DRC9: variants seen among roughly 807,000 people sequenced by gnomAD.
DRC9 encodes the protein dynein regulatory complex protein 9.
At chr3:197,932,266 C>T in the DRC9 span, 1 of 1,612,490 alleles carries the variant, frequency 6.2e-7, no homozygotes, top group African/African-American at 1.3e-5. Flanking sequence ...CTTGCAACTC[C>T]TTAATGGTAT....
the DRC9 span, among the ~76,000 whole-genome samples, chr3:197,925,594 T>G: frequency 5.3e-5 from 8 of 150,758 alleles, no homozygotes; most frequent in East Asian, 1.9e-4. Flanking sequence ...TCTGTTTTTT[T>G]TTTTTTTTTT....
At chr3:197,937,460 T>C in the DRC9 span, among the ~76,000 whole-genome samples, 3 of 151,968 alleles carry the variant, frequency 2.0e-5, no homozygotes, top group Non-Finnish European at 1.5e-5. Flanking sequence ...CACGGTCTTT[T>C]TCTTTTCTCT....
At chr3:197,892,691 T>G in the DRC9 span, 11 of 1,614,068 alleles carry the variant, frequency 6.8e-6, no homozygotes, top group Non-Finnish European at 9.3e-6. Context: ...GAGCATTTAG[T>G]TCATTCTGTT....
At chr3:197,947,674 G>A in the DRC9 span, among the ~76,000 whole-genome samples, 169 of 152,314 alleles carry the variant, frequency 1.1e-3, no homozygotes, top group African/African-American at 3.9e-3. Context: ...TCTGTGCTCT[G>A]AGAGATGGAC....
At chr3:197,926,121 A>G in the DRC9 span, 2 of 1,409,014 alleles carry the variant, frequency 1.4e-6, no homozygotes, top group African/African-American at 2.8e-5. Flanking sequence ...AGATATAAGA[A>G]TGATTTGTGT....
At chr3:197,959,155 C>G in the DRC9 span, 3 of 151,952 alleles carry the variant, frequency 2.0e-5, no homozygotes, top group Non-Finnish European at 4.4e-5. Flanking sequence ...TGCATTGAGC[C>G]GAGATTGTGT....
At chr3:197,912,549 A>G in the DRC9 span, 1 of 721,830 alleles carries the variant, frequency 1.4e-6, no homozygotes, top group Middle Eastern at 2.5e-4. Flanking sequence ...GAAAGAAAAC[A>G]TGAGCTAAAG....
chr3:197,948,079 CACACCA>C, the DRC9 span, among the ~76,000 whole-genome samples: 1 of 151,514 alleles, frequency 6.6e-6, no homozygotes, highest in Non-Finnish European at 1.5e-5. Flanking sequence ...ATGACAGGCA[CACACCA>C]ACACCCCTGG....
At chr3:197,952,653 C>T in the DRC9 span, 2 of 152,130 alleles carry the variant, frequency 1.3e-5, no homozygotes, top group Non-Finnish European at 2.9e-5. Context: ...TGCCACCACA[C>T]CCAGCTAATT....
At chr3:197,951,862 T>C in the DRC9 span, among the ~76,000 whole-genome samples, 1 of 152,040 alleles carries the variant, frequency 6.6e-6, no homozygotes, top group Non-Finnish European at 1.5e-5. Context: ...CACGCCCGGC[T>C]AATTTTTGTA....
the DRC9 span, among the ~76,000 whole-genome samples, chr3:197,907,026 T>C: frequency 6.6e-6 from 1 of 152,176 alleles, no homozygotes; most frequent in African/African-American, 2.4e-5. Context: ...TCGTGGTAAA[T>C]GTGCCCACCT....
the DRC9 span, among the ~76,000 whole-genome samples, chr3:197,892,918 T>C: frequency 2.6e-5 from 4 of 152,096 alleles, no homozygotes; most frequent in African/African-American, 9.7e-5. Flanking sequence ...GGATTTCTGA[T>C]TGGGAATGGG....
the DRC9 span, chr3:197,914,165 T>G: frequency 3.8e-6 from 3 of 796,488 alleles, no homozygotes; most frequent in Admixed American, 2.1e-5. Flanking sequence ...ATTTTTCCGC[T>G]GTCACACAAT....
At chr3:197,911,175 C>T in the DRC9 span, among the ~76,000 whole-genome samples, 2 of 151,524 alleles carry the variant, frequency 1.3e-5, no homozygotes, top group Admixed American at 6.6e-5. Context: ...TGTTAATAAG[C>T]AAAAATAAAA....
the DRC9 span, chr3:197,906,441 T>C: frequency 6.6e-6 from 1 of 152,098 alleles, no homozygotes; most frequent in Non-Finnish European, 1.5e-5. Context: ...GTTTTTCTTT[T>C]TTTTTTTTCC....
chr3:197,917,281 C>T, the DRC9 span, among the ~76,000 whole-genome samples: 3 of 152,188 alleles, frequency 2.0e-5, no homozygotes, highest in African/African-American at 7.2e-5. Flanking sequence ...CATGCCATTG[C>T]ACTTTAGCCT....
At chr3:197,935,679 C>T in the DRC9 span, among the ~76,000 whole-genome samples, 6 of 151,866 alleles carry the variant, frequency 4.0e-5, no homozygotes, top group East Asian at 2.0e-4. Context: ...GATGAGGTCT[C>T]GCTATGTTGC....
the DRC9 span, among the ~76,000 whole-genome samples, chr3:197,914,715 A>G: frequency 6.6e-6 from 1 of 152,172 alleles, no homozygotes; most frequent in Non-Finnish European, 1.5e-5. Flanking sequence ...TAAACTTCCA[A>G]AAATTGTGCA....
At chr3:197,929,022 C>T in the DRC9 span, among the ~76,000 whole-genome samples, 1 of 152,138 alleles carries the variant, frequency 6.6e-6, no homozygotes, top group Admixed American at 6.5e-5. This position sits in a 1 kb window ranked among gnomAD's most constrained non-coding sequence, Gnocchi z 4.6. Flanking sequence ...TTTCTCCTCT[C>T]GGGAGATCAT....
Sources: allele counts gnomAD v4.1 joint callset (sites outside exome capture counted in the v4.1 genomes callset), GRCh38; gene constraint gnomAD v4.1.1; non-coding constraint Gnocchi (gnomAD v3.1); transcripts MANE v1.5; gene names NCBI Gene and HGNC (gene_info 2026-07-23, HGNC 2026-07-21).